Variants in RBFOX1 observed in about 807,000 individuals in gnomAD.
RBFOX1 encodes RNA binding fox-1 homolog 1, also known as RNA binding protein fox-1 homolog 1.
RBFOX1 carries 8 observed loss-of-function variants against 57.7 expected under a neutral mutation model. That is an observed-to-expected ratio of 0.14 (90% CI 0.08 to 0.25). RBFOX1 has a LOEUF of 0.25. Ranked by LOEUF, RBFOX1 falls within the 10% of genes least tolerant of loss-of-function variation. RBFOX1 has a pLI of 1.00. For missense variants in RBFOX1, 611 were observed against 548.5 expected, an observed-to-expected ratio of 1.11 and a Z score of -1.14; for synonymous variants, 326 against 222.4, an observed-to-expected ratio of 1.47 and a Z score of -4.15.
At chr16:7,684,402 CTT>C (rs995775792) in intron 14 of RBFOX1, among the ~76,000 whole-genome samples, 9 of 152,064 alleles carry the variant, frequency 5.9e-5, no homozygotes, top group African/African-American at 2.2e-4. Flanking sequence ...TAACTAGTCA[CTT>C]TTCTTTTTTT....
At chr16:7,544,568 C>G (rs139804513) in intron 5 of RBFOX1, among the ~76,000 whole-genome samples, 712 of 152,178 alleles carry the variant, frequency 4.7e-3, no homozygotes, top group Non-Finnish European at 7.7e-3. Flanking sequence ...CCAGGGACAC[C>G]AAGGATTGCC....
chr16:5,604,392 C>G (rs10400961), downstream of RBFOX1, among the ~76,000 whole-genome samples: 42,720 of 151,976 alleles, frequency 0.28, 6,333 homozygotes, highest in African/African-American at 0.36. Flanking sequence ...CCTTTGCAAT[C>G]TCACTGGTTG....
At chr16:6,418,096 C>G (rs534939847) in intron 2 of RBFOX1, among the ~76,000 whole-genome samples, 1 of 152,140 alleles carries the variant, frequency 6.6e-6, no homozygotes, top group African/African-American at 2.4e-5. Context: ...TGACTAAGTA[C>G]GAATGGTAAG....
chr16:7,162,567 T>TAAAAA lies in RBFOX1; in HGVS notation c.27+110484_27+110488dup, dbSNP rs1176692946. Among the ~76,000 whole-genome samples, 129 of 107,798 alleles carry TAAAAA rather than the reference T, an allele frequency of 1.2e-3. 1 individual carries two copies. Among genetic ancestry groups the TAAAAA allele is most frequent in the African/African-American group, 2.9e-3 (88 of 30,782 alleles). The allele number at this position is 107,798 out of a possible 152,430, so 70.7% of individuals were successfully genotyped here. On this transcript the variant is annotated intron_variant, in intron 4 of 15. Coordinates refer to ENST00000550418, the MANE Select transcript of RBFOX1 (RefSeq NM_018723.4). ...CAACATGGTGAAACCCTGTCTCTAC[T>TAAAAA]AAAAAAAAAAAAAAAAAAACATTGC...
intron 2 of RBFOX1, among the ~76,000 whole-genome samples, chr16:5,537,795 C>G (rs1277651402): frequency 3.3e-5 from 5 of 152,224 alleles, no homozygotes; most frequent in South Asian, 2.1e-4. Flanking sequence ...ATTGAGCTCA[C>G]TTGGATAATC....
chr16:5,436,971 C>G (rs1296209128), intron 1 of RBFOX1, among the ~76,000 whole-genome samples: 4 of 152,132 alleles, frequency 2.6e-5, no homozygotes, highest in African/African-American at 7.2e-5. Context: ...TTGATTTGTA[C>G]CTGCCCCCAT....
intron 1 of RBFOX1, among the ~76,000 whole-genome samples, chr16:6,253,053 A>C (rs2097632946): frequency 6.6e-6 from 1 of 152,138 alleles, no homozygotes; most frequent in Non-Finnish European, 1.5e-5. Flanking sequence ...CTGATTGTTG[A>C]AGGGACATAA....
chr16:5,961,504 A>G (rs1055567418), intron 4 of RBFOX1, among the ~76,000 whole-genome samples: 2 of 151,968 alleles, frequency 1.3e-5, no homozygotes, highest in Non-Finnish European at 2.9e-5. Flanking sequence ...AAACAAAACA[A>G]TAGTTTAATT....
chr16:6,642,074 A>T (rs904639476), intron 2 of RBFOX1, among the ~76,000 whole-genome samples: 1 of 152,148 alleles, frequency 6.6e-6, no homozygotes, highest in Non-Finnish European at 1.5e-5. Context: ...GGGTGCAGCT[A>T]CGGAGAGGGT....
intron 3 of RBFOX1, among the ~76,000 whole-genome samples, chr16:6,710,220 T>C (rs961981968): frequency 6.6e-6 from 1 of 152,152 alleles, no homozygotes; most frequent in African/African-American, 2.4e-5. Context: ...TTGTCACTTA[T>C]TTTCCTTAAC....
At chr16:5,948,360 G>A (rs1169519427) in intron 4 of RBFOX1, among the ~76,000 whole-genome samples, 1 of 152,188 alleles carries the variant, frequency 6.6e-6, no homozygotes, top group Non-Finnish European at 1.5e-5. Flanking sequence ...CTCCTCCGTG[G>A]CTGTGGTCCA....
intron 1 of RBFOX1, among the ~76,000 whole-genome samples, chr16:5,355,578 C>T (rs1275848690): frequency 6.6e-6 from 1 of 152,142 alleles, no homozygotes; most frequent in Non-Finnish European, 1.5e-5. Context: ...TAGACAGAGA[C>T]TTCTTCCTTG....
chr16:7,349,216 A>G (rs537803203), intron 4 of RBFOX1, among the ~76,000 whole-genome samples: 1 of 152,254 alleles, frequency 6.6e-6, no homozygotes, highest in Non-Finnish European at 1.5e-5. Flanking sequence ...GGCTCAAGAG[A>G]TCAAGATATC....
chr16:7,063,713 A>T (rs1348952968), intron 4 of RBFOX1, among the ~76,000 whole-genome samples: 1 of 152,148 alleles, frequency 6.6e-6, no homozygotes. Flanking sequence ...GGGAAAAAAA[A>T]CCCAACACAC....
chr16:6,733,704 A>G (rs1603474411), intron 3 of RBFOX1, among the ~76,000 whole-genome samples: 1 of 152,006 alleles, frequency 6.6e-6, no homozygotes, highest in South Asian at 2.1e-4. Context: ...GCTGCAGTGA[A>G]CTGAGATCAC....
At chr16:6,809,201 C>T (rs534898736) in intron 3 of RBFOX1, among the ~76,000 whole-genome samples, 5 of 152,178 alleles carry the variant, frequency 3.3e-5, no homozygotes, top group Non-Finnish European at 5.9e-5. Context: ...TTTTCTTTCA[C>T]CACCTTGGCT....
chr16:5,565,093 G>C (rs546959032), intron 2 of RBFOX1, among the ~76,000 whole-genome samples: 122 of 152,288 alleles, frequency 8.0e-4, no homozygotes, highest in African/African-American at 2.7e-3. Flanking sequence ...AAGAAAATGG[G>C]AACACGTGGG....
intron 1 of RBFOX1, among the ~76,000 whole-genome samples, chr16:5,299,215 G>C (rs1364671630): frequency 6.8e-6 from 1 of 148,138 alleles, no homozygotes; most frequent in African/African-American, 2.5e-5. Context: ...TTTTTTTTTT[G>C]CTCAAAAAAA....
intron 12 of RBFOX1, among the ~76,000 whole-genome samples, chr16:7,656,770 C>A (rs1441671476): frequency 2.0e-5 from 3 of 152,072 alleles, no homozygotes; most frequent in Admixed American, 2.0e-4. Context: ...GGGTGACATA[C>A]AAGCCAACAA....
Sources: gnomAD v4.1 joint callset for allele counts (sites outside exome capture counted in the v4.1 genomes callset) on GRCh38, gnomAD v4.1.1 for gene constraint, MANE v1.5 for transcripts, NCBI Gene and HGNC (gene_info 2026-07-23, HGNC 2026-07-21) for gene names.